The following CD22 variants were observed in gnomAD, a reference collection of about 807,000 sequenced individuals.
The protein encoded by CD22 is B-cell receptor CD22.
A neutral mutation model predicts 94.7 loss-of-function variants in CD22; 51 were observed. The observed-to-expected ratio is 0.54, with a 90% CI of 0.43 to 0.68. The LOEUF is 0.68. CD22 is among the 30% of genes least tolerant of loss of function. CD22 has a pLI of 0.00. For synonymous variants in CD22, 424 were observed against 422.5 expected, an observed-to-expected ratio of 1.00 and a Z score of -0.04; for missense variants, 931 against 1,060.4, an observed-to-expected ratio of 0.88 and a Z score of 1.69.
At chr19:35,340,664 GTGCCCTGAACCCC>G (rs1339989383) in intron 6 of CD22, among the ~76,000 whole-genome samples, 1 of 152,216 alleles carries the variant, frequency 6.6e-6, no homozygotes, top group Non-Finnish European at 1.5e-5. Context: ...CTTCAGCGCT[GTGCCCTGAACCCC>G]TGCACCAAAC....
chr19:35,329,806 G>C (rs949433714), intron 1 of CD22: 1 of 156,130 alleles, frequency 6.4e-6, no homozygotes, highest in Non-Finnish European at 1.4e-5. Context: ...TGCAGGGAAC[G>C]GAGTCTAGTC....
In CD22 at chr19:35,332,891, A is replaced by G; in HGVS notation, c.379A>G (p.Lys127Glu). ...LGLRMESKTE[K>E]WMERIHLNVS... ...GCTGAGGATGGAGTCCAAGACTGAG[A>G]AATGGATGGAACGAATACACCTCAA... Residue 127 changes from lysine to glutamate, a missense_variant, in exon 3 of 14, where the codon AAA (lysine) becomes GAA (glutamate). By Grantham distance (56) the Lys-to-Glu change is moderately conservative. Transcript: ENST00000085219. 6.2e-7 allele frequency: 1 copy of G among 1,614,194 alleles called. No homozygotes were observed. The highest frequency in any genetic ancestry group is 8.5e-7 in the Non-Finnish European group (1 of 1,180,028).
chr19:35,332,103 G>C (rs2066653851), intron 2 of CD22, 29 bp downstream of exon 2: 1 of 1,613,910 alleles, frequency 6.2e-7, no homozygotes, highest in Non-Finnish European at 8.5e-7. Context: ...GCTAGTACTG[G>C]GGTTCTGGGA....
intron 1 of CD22, chr19:35,331,784 T>G: frequency 1.6e-6 from 1 of 642,616 alleles, no homozygotes; most frequent in Non-Finnish European, 2.4e-6. Flanking sequence ...GAAGCAGAGG[T>G]TGCAGTGAGC....
intron 2 of CD22, 128 bp downstream of exon 2, chr19:35,332,202 T>G: frequency 1.0e-6 from 1 of 964,698 alleles, no homozygotes; most frequent in Non-Finnish European, 1.6e-6. Context: ...TATAGATAAA[T>G]GTACATACAA....
In CD22 at chr19:35,332,945, G is replaced by T. The variant is rs201695548; in HGVS notation, c.412+21G>T. The T allele has an allele frequency of 1.3e-3, 2,062 of 1,607,984 alleles. 2 individuals are homozygous for T. The highest frequency in any genetic ancestry group is 1.6e-3 in the Non-Finnish European group (1,850 of 1,175,528). On this transcript the variant is annotated intron_variant, in intron 3 of 13. Transcript: ENST00000085219. ...CTCTGGTAAGGCCTTCGGGGAGCGG[G>T]TCCTCTGCTCTGGGCAGGGGTGAGT...
intron 6 of CD22, among the ~76,000 whole-genome samples, chr19:35,339,239 A>T (rs1323204432): frequency 1.3e-5 from 2 of 151,922 alleles, no homozygotes; most frequent in Non-Finnish European, 2.9e-5. Context: ...CCTGGGTCTC[A>T]AAAAGAAAAA....
In CD22 at chr19:35,341,611, G is replaced by A. The variant is rs577627089; in HGVS notation, c.1771+5G>A. 6.2e-7 allele frequency: 1 copy of A among 1,609,202 alleles called. No homozygotes were observed. Among genetic ancestry groups the A allele is most frequent in the South Asian group, 1.1e-5 (1 of 91,032 alleles). On this transcript the variant is annotated splice_donor_5th_base_variant and intron_variant, in intron 8 of 13. Coordinates refer to ENST00000085219, the MANE Select transcript of CD22 (RefSeq NM_001771.4). This position sits in a 1 kb window ranked among gnomAD's most constrained non-coding sequence, Gnocchi z 4.0. Reference sequence around the variant, plus strand: ...CCTGGACACTTGAAGTGCTGTGTGAGTGAGGGCCGGAGGCTGGGAGTGGAG... The same window carrying A: ...CCTGGACACTTGAAGTGCTGTGTGAATGAGGGCCGGAGGCTGGGAGTGGAG...
intron 13 of CD22, 135 bp downstream of exon 13, chr19:35,346,370 G>A: frequency 9.2e-7 from 1 of 1,085,562 alleles, no homozygotes; most frequent in Non-Finnish European, 1.4e-6. Context: ...GTTGGAGACG[G>A]TTGCTCCGGC....
At position 35,336,084 on chromosome 19, in the gene CD22, C is replaced by T. The variant is rs2066719428; in HGVS notation, c.461C>T (p.Ser154Phe). The change falls in exon 4 of 14, where the codon TCC (serine) becomes TTC (phenylalanine). Residue 154 changes from serine (S) to phenylalanine (F), a missense_variant. Transcript: ENST00000085219. ...CAGCTCCCTCCAGAAATTCAAGAGT[C>T]CCAGGAAGTCACTCTGACCTGCTTG... Reference protein sequence around the residue: ...HIQLPPEIQESQEVTLTCLLN... With the variant: ...HIQLPPEIQEFQEVTLTCLLN... 3 of 1,613,968 alleles carry T rather than the reference C, an allele frequency of 1.9e-6. No homozygotes were observed. Among genetic ancestry groups the T allele is most frequent in the Non-Finnish European group, 1.7e-6 (2 of 1,179,926 alleles).
At position 35,346,672 on chromosome 19, in the gene CD22, T is replaced by C. The variant is rs1047794743; in HGVS notation, c.2519T>C (p.Val840Ala). The change falls in exon 14 of 14, where the codon GTG (valine) becomes GCG (alanine). Residue 840 changes from valine to alanine, a missense_variant. Coordinates refer to ENST00000085219, the MANE Select transcript of CD22 (RefSeq NM_001771.4). ...GAGCGGCCTCAGGCACAAGAAAATG[T>C]GGACTATGTGATCCTCAAACATTGA... ...VGERPQAQEN[V>A]DYVILKH The C allele has an allele frequency of 1.2e-6, 2 of 1,610,308 alleles. No individual in the cohort carries two copies. Among genetic ancestry groups the C allele is most frequent in the African/African-American group, 1.3e-5 (1 of 74,996 alleles).
chr19:35,342,533 A>T lies in CD22; in HGVS notation c.2035+568A>T, dbSNP rs112192027. On this transcript the variant is annotated intron_variant, in intron 9 of 13. Transcript: ENST00000085219. ...AGTGACTTCCCGAAAAGCCTTCCAG[A>T]CCAGCTGGCCCCTTCTTCCCCACCT... Among the ~76,000 whole-genome samples, 1,045 of 152,000 alleles carry T rather than the reference A, an allele frequency of 6.9e-3. 8 individuals carry two copies. Among genetic ancestry groups the T allele is most frequent in the African/African-American group, 0.024 (1,002 of 41,464 alleles).
At position 35,346,803 on chromosome 19, in the gene CD22, C is replaced by T; in HGVS notation, c.*106C>T. ...GCTTCCTCCTGCGCGCATGTGCGCA[C>T]ACACACACACACACGCACACACACA... is the stretch of plus-strand genomic sequence containing the variant. On this transcript the variant is annotated 3_prime_UTR_variant, in exon 14 of 14. Coordinates refer to ENST00000085219, the MANE Select transcript of CD22 (RefSeq NM_001771.4). 1.1e-6 allele frequency: 1 copy of T among 898,198 alleles called. No homozygotes were observed. The highest frequency in any genetic ancestry group is 1.7e-6 in the Non-Finnish European group (1 of 601,544). The allele number at this position is 898,198 out of a possible 1,614,324, so 55.6% of individuals were successfully genotyped here. A position where few individuals can be genotyped will look rare whatever the true frequency, so the allele number is the denominator to read the frequency against.
At chr19:35,334,637 G>A (rs1380054015) in intron 3 of CD22, among the ~76,000 whole-genome samples, 1 of 152,166 alleles carries the variant, frequency 6.6e-6, no homozygotes, top group Non-Finnish European at 1.5e-5. Flanking sequence ...CCAGCCTTGG[G>A]GAGAGCTGAG....
Position 35,341,841 on chromosome 19 carries a change from C to A in CD22, c.1911C>A (p.Leu637=). The change falls in exon 9 of 14, where the codon CTC becomes CTA. Residue 637 remains leucine (L), a synonymous_variant. Transcript: ENST00000085219. The surrounding 1 kb of genome is among the most constrained non-coding windows in gnomAD (Gnocchi z 4.0). ...YTWFDWNNQS[L]PYHSQKLRLE... is the part of the protein sequence containing the mutation. Reference sequence around the variant, plus strand: ...GGTTTGACTGGAATAACCAAAGCCTCCCCTACCACAGCCAGAAGCTGAGAT... The same window carrying A: ...GGTTTGACTGGAATAACCAAAGCCTACCCTACCACAGCCAGAAGCTGAGAT... The A allele has an allele frequency of 6.2e-7, 1 of 1,614,112 alleles. No individual in the cohort carries two copies. Among genetic ancestry groups the A allele is most frequent in the Non-Finnish European group, 8.5e-7 (1 of 1,180,026 alleles).
At chr19:35,334,463 C>A (rs1456232783) in intron 3 of CD22, among the ~76,000 whole-genome samples, 2 of 152,206 alleles carry the variant, frequency 1.3e-5, no homozygotes, top group African/African-American at 4.8e-5. Context: ...TAGCACTGCA[C>A]ATGTAGGGGT....
rs908814363 is a variant in CD22 at position 35,346,820 on chromosome 19, A to G, written c.*123A>G. The G allele has an allele frequency of 4.3e-4, 182 of 426,008 alleles. No individual in the cohort carries two copies. The highest frequency in any genetic ancestry group is 3.8e-3 in the Middle Eastern group (5 of 1,308). The allele number at this position is 426,008 out of a possible 1,614,324, so 26.4% of individuals were successfully genotyped here. ...TGTGCGCACACACACACACACACGC[A>G]CACACACACACACACACTCACTGCG... On this transcript the variant is annotated 3_prime_UTR_variant, in exon 14 of 14. Transcript: ENST00000085219.
chr19:35,344,213 A>G (rs978761276), intron 9 of CD22, among the ~76,000 whole-genome samples: 2 of 152,232 alleles, frequency 1.3e-5, no homozygotes, highest in East Asian at 1.9e-4. Context: ...CAATCAGTCA[A>G]TCTAGGGAAC....
In CD22 at chr19:35,341,351, C is replaced by T. The variant is rs1704516486; in HGVS notation, c.1516C>T (p.Arg506Ter). 5 of 1,613,496 alleles carry T rather than the reference C, an allele frequency of 3.1e-6. No homozygotes were observed. Among genetic ancestry groups the T allele is most frequent in the Non-Finnish European group, 4.2e-6 (5 of 1,179,638 alleles). The change falls in exon 8 of 14, where the codon CGA (arginine) becomes TGA (stop). Residue 506 changes from arginine to a stop codon, truncating the protein, a stop_gained. Transcript: ENST00000085219. LOFTEE classifies it high-confidence loss of function. The surrounding 1 kb of genome is among the most constrained non-coding windows in gnomAD (Gnocchi z 4.0). ...PVALNVQYAPRDVRVRKIKPL... is the reference protein window; with the variant it reads ...PVALNVQYAP ...GGACCCTTGCCCTCCAGATGCCCCC[C>T]GAGACGTGAGGGTCCGGAAAATCAA...
Sources: gnomAD v4.1 joint callset for allele counts (sites outside exome capture counted in the v4.1 genomes callset) on GRCh38, gnomAD v4.1.1 for gene constraint, Gnocchi (gnomAD v3.1) non-coding constraint, MANE v1.5 for transcripts, NCBI Gene and HGNC (gene_info 2026-07-23, HGNC 2026-07-21) for gene names.